DYSF: variants seen among roughly 807,000 people sequenced by gnomAD.
DYSF encodes dysferlin.
In DYSF, 212 loss-of-function variants were observed where a neutral mutation model predicts 274.9. The ratio of observed to expected loss-of-function variants is 0.77; its 90% CI spans 0.69 to 0.86. DYSF has a LOEUF of 0.86. Ranked by LOEUF, DYSF falls within the 40% of genes least tolerant of loss-of-function variation. The pLI, the probability that DYSF is intolerant of heterozygous loss-of-function variation, is 0.00. For synonymous variants in DYSF, 1,091 were observed against 1,078.7 expected, an observed-to-expected ratio of 1.01 and a Z score of -0.22; for missense variants, 2,666 against 2,783.2, an observed-to-expected ratio of 0.96 and a Z score of 0.95.
At chr2:71,667,185 G>C (rs567009132) in intron 47 of DYSF, among the ~76,000 whole-genome samples, 191 bp from the exon 48 acceptor site, 1 of 152,326 alleles carries the variant, frequency 6.6e-6, no homozygotes, top group Admixed American at 6.5e-5. Context: ...GGAGCTAGTG[G>C]ACAGCAAGAT....
chr2:71,620,446 A>G, intron 40 of DYSF, 101 bp from the exon 41 acceptor site: 1 of 1,212,890 alleles, frequency 8.2e-7, no homozygotes, highest in East Asian at 2.5e-5. Context: ...GAGGAAGAGC[A>G]GAGGGTGCCT....
At chr2:71,532,775 A>G (rs1380581655) in intron 14 of DYSF, among the ~76,000 whole-genome samples, 2 of 152,166 alleles carry the variant, frequency 1.3e-5, no homozygotes, top group Non-Finnish European at 2.9e-5. Flanking sequence ...GTCTTGTTAA[A>G]GTATCTTATT....
Position 71,574,225 on chromosome 2 carries a change from G to A in DYSF, c.3256G>A (p.Gly1086Ser), listed in dbSNP as rs1186937624. ...CAGGCAGGCGGAGGCGGAGGGCGAGGGCTGGGAGTACGCCTCTCTTTTTGG... is the reference window on the plus strand; with the variant it reads ...CAGGCAGGCGGAGGCGGAGGGCGAGAGCTGGGAGTACGCCTCTCTTTTTGG... ...RHRQAEAEGE[G>S]WEYASLFGWK... Residue 1086 changes from glycine to serine, a missense_variant, in exon 30 of 56, where the codon GGC (glycine) becomes AGC (serine). By Grantham distance (56) the Gly-to-Ser change is moderately conservative. Coordinates refer to ENST00000410020, the MANE Select transcript of DYSF (RefSeq NM_001130987.2). 1.9e-6 allele frequency: 3 copies of A among 1,613,628 alleles called. No individual in the cohort carries two copies. Among genetic ancestry groups the A allele is most frequent in the South Asian group, 2.2e-5 (2 of 91,090 alleles).
At chr2:71,592,151 G>C (rs1287763644) in intron 32 of DYSF, among the ~76,000 whole-genome samples, 1 of 152,232 alleles carries the variant, frequency 6.6e-6, no homozygotes, top group Non-Finnish European at 1.5e-5. Flanking sequence ...ATGGCCAGGG[G>C]GGGCCCAGGC....
intron 36 of DYSF, among the ~76,000 whole-genome samples, chr2:71,606,284 T>A (rs958199775): frequency 6.6e-6 from 1 of 152,112 alleles, no homozygotes; most frequent in African/African-American, 2.4e-5. Context: ...TGATCAACAC[T>A]CTGCACACCT....
intron 41 of DYSF, among the ~76,000 whole-genome samples, chr2:71,640,825 A>G (rs1367531489): frequency 6.6e-6 from 1 of 151,870 alleles, no homozygotes; most frequent in East Asian, 1.9e-4. Flanking sequence ...ATCTTTTTCT[A>G]TGCTGTGGAA....
chr2:71,517,111 G>A, intron 10 of DYSF, 72 bp downstream of exon 10: 1 of 1,395,328 alleles, frequency 7.2e-7, no homozygotes, highest in South Asian at 1.2e-5. Context: ...GTGGACCATG[G>A]GCAGGGGCTC....
intron 1 of DYSF, among the ~76,000 whole-genome samples, chr2:71,475,739 G>C (rs1350290761): frequency 6.6e-6 from 1 of 152,182 alleles, no homozygotes; most frequent in Non-Finnish European, 1.5e-5. Flanking sequence ...TGATGAAATT[G>C]AGGCAGAAAT....
intron 55 of DYSF, among the ~76,000 whole-genome samples, chr2:71,684,271 G>C (rs374674698): frequency 2.0e-5 from 3 of 152,248 alleles, no homozygotes; most frequent in Admixed American, 6.5e-5. Flanking sequence ...GTGTGCACGT[G>C]TGGTGTCCTG....
chr2:71,562,149 A>C (rs1004414013), intron 23 of DYSF, among the ~76,000 whole-genome samples: 2 of 152,176 alleles, frequency 1.3e-5, no homozygotes, highest in Non-Finnish European at 2.9e-5. Context: ...ACTGGGTGTT[A>C]TGGGGCCCAG....
At chr2:71,680,904 T>C (rs2095287925) in intron 53 of DYSF, 97 bp from the exon 54 acceptor site, 2 of 939,300 alleles carry the variant, frequency 2.1e-6, no homozygotes, top group South Asian at 1.4e-5. Context: ...TTTTTTTAAA[T>C]AATGAAGTGG....
intron 42 of DYSF, among the ~76,000 whole-genome samples, chr2:71,644,569 A>G (rs2094538666): frequency 6.6e-6 from 1 of 152,090 alleles, no homozygotes. Context: ...CTGACCCCTA[A>G]CTCCTACAAT....
At chr2:71,581,911 G>A (rs1235241679) in intron 30 of DYSF, among the ~76,000 whole-genome samples, 1 of 152,078 alleles carries the variant, frequency 6.6e-6, no homozygotes, top group Non-Finnish European at 1.5e-5. Context: ...GGGAGGCCAA[G>A]GCAGGCAGAT....
intron 1 of DYSF, among the ~76,000 whole-genome samples, chr2:71,479,540 C>A (rs1398550385): frequency 6.6e-6 from 1 of 152,238 alleles, no homozygotes; most frequent in Non-Finnish European, 1.5e-5. Context: ...CTGTTTCTCC[C>A]AGCCTACGGC....
At chr2:71,597,214 C>T (rs914499017) in intron 32 of DYSF, among the ~76,000 whole-genome samples, 2 of 152,208 alleles carry the variant, frequency 1.3e-5, no homozygotes, top group Non-Finnish European at 2.9e-5. Context: ...CACTGAGGCC[C>T]TCTTGAGGTC....
chr2:71,531,092 G>C (rs1267080355), intron 14 of DYSF, among the ~76,000 whole-genome samples: 1 of 150,500 alleles, frequency 6.6e-6, no homozygotes, highest in Admixed American at 6.6e-5. Flanking sequence ...TTTTTTTTCT[G>C]AATTCAAGAA....
At chr2:71,554,013 C>G in intron 21 of DYSF, 82 bp downstream of exon 21, 1 of 1,595,372 alleles carries the variant, frequency 6.3e-7, no homozygotes, top group Admixed American at 1.7e-5. Flanking sequence ...CAGACCACCA[C>G]CCACTGGTGC....
chr2:71,656,293 A>G lies in DYSF; in HGVS notation c.4755+3A>G. The G allele has an allele frequency of 6.2e-7, 1 of 1,613,936 alleles. No individual in the cohort carries two copies. Reference sequence around the variant, plus strand: ...CATCTGTGATTGGTGAATTTAAGGTAAATCCTCGAAGACGTCCCTAACCCA... The same window carrying G: ...CATCTGTGATTGGTGAATTTAAGGTGAATCCTCGAAGACGTCCCTAACCCA... On this transcript the variant is annotated splice_donor_region_variant and intron_variant, in intron 43 of 55. Coordinates refer to ENST00000410020, the MANE Select transcript of DYSF (RefSeq NM_001130987.2).
At chr2:71,525,132 G>A (rs1430779658) in intron 12 of DYSF, among the ~76,000 whole-genome samples, 4 of 152,198 alleles carry the variant, frequency 2.6e-5, no homozygotes, top group Non-Finnish European at 5.9e-5. Context: ...ACAAGCCACT[G>A]CTGCATGGGT....
Sources: allele counts gnomAD v4.1 joint callset (sites outside exome capture counted in the v4.1 genomes callset), GRCh38; gene constraint gnomAD v4.1.1; transcripts MANE v1.5; gene names NCBI Gene and HGNC (gene_info 2026-07-23, HGNC 2026-07-21).